Variants in PAPPA observed in about 807,000 individuals in gnomAD.
PAPPA encodes pappalysin 1.
PAPPA carries 60 observed loss-of-function variants against 164.0 expected under a neutral mutation model. That is an observed-to-expected ratio of 0.37 (90% CI 0.30 to 0.45). The LOEUF is 0.45. PAPPA is among the 20% of genes least tolerant of loss of function. The pLI, the probability that PAPPA is intolerant of heterozygous loss-of-function variation, is 1.00. For synonymous variants in PAPPA, 875 were observed against 814.1 expected, an observed-to-expected ratio of 1.07 and a Z score of -1.27; for missense variants, 1,782 against 2,087.3, an observed-to-expected ratio of 0.85 and a Z score of 2.85.
At position 116,367,685 on chromosome 9, in the gene PAPPA, G is replaced by A. The variant is rs1457935307; in HGVS notation, c.4536G>A (p.Glu1512=). ...CCTCGTGCCTGGACCACAACAGCGA[G>A]TCCATCATCCTGCCAATGAACGTGA... ...CATSCLDHNS[E]SIILPMNVTV... Residue 1512 remains glutamate, a synonymous_variant, in exon 19 of 22, where the codon GAG becomes GAA. Coordinates refer to ENST00000328252, the MANE Select transcript of PAPPA (RefSeq NM_002581.5). 9.9e-6 allele frequency: 16 copies of A among 1,614,006 alleles called. No individual in the cohort carries two copies. The highest frequency in any genetic ancestry group is 1.4e-5 in the Non-Finnish European group (16 of 1,179,996).
At position 116,249,447 on chromosome 9, in the gene PAPPA, C is replaced by A. The variant is rs112657479; in HGVS notation, c.2732+13810C>A. On this transcript the variant is annotated intron_variant, in intron 7 of 21. Transcript: ENST00000328252. ...AGAGTTCATTGCTGTAAGGTCTGGA[C>A]TTCATCCTGAGAGTGGTGATGAGCC... 2.0e-3 allele frequency among the ~76,000 whole-genome samples: 308 copies of A among 152,204 alleles called. 1 individual carries two copies. The highest frequency in any genetic ancestry group is 7.0e-3 in the African/African-American group (291 of 41,536).
At chr9:116,372,912 T>C (rs1588025156) in intron 19 of PAPPA, among the ~76,000 whole-genome samples, 1 of 152,360 alleles carries the variant, frequency 6.6e-6, no homozygotes, top group Non-Finnish European at 1.5e-5. Context: ...AAAGAGGTTG[T>C]CATTGCCCAA....
chr9:116,220,759 G>T (rs149745696), intron 5 of PAPPA, among the ~76,000 whole-genome samples: 5 of 151,298 alleles, frequency 3.3e-5, no homozygotes, highest in Non-Finnish European at 5.9e-5. Flanking sequence ...GGTGGTGCGC[G>T]CCTGTAATCC....
In PAPPA at chr9:116,187,378, G is replaced by A. The variant is rs767542036; in HGVS notation, c.640G>A (p.Gly214Ser). 6.2e-7 allele frequency: 1 copy of A among 1,614,102 alleles called. No homozygotes were observed. The highest frequency in any genetic ancestry group is 8.5e-7 in the Non-Finnish European group (1 of 1,180,034). ...DGQFMKLYVN[G>S]AQVATSGEQV... ...GCAGTTCATGAAGCTCTATGTGAAT[G>A]GTGCCCAGGTGGCCACCTCTGGGGA... Residue 214 changes from glycine (G) to serine (S), a missense_variant, in exon 2 of 22, where the codon GGT (glycine) becomes AGT (serine). By Grantham distance (56) the Gly-to-Ser change is moderately conservative. This residue lies in a region of PAPPA where 458 missense variants were observed against 430.3 expected (regional missense o/e 1.06). Transcript: ENST00000328252. This position sits in a 1 kb window ranked among gnomAD's most constrained non-coding sequence, Gnocchi z 4.2.
chr9:116,281,587 G>T (rs1268832933), intron 9 of PAPPA, among the ~76,000 whole-genome samples: 10 of 152,102 alleles, frequency 6.6e-5, no homozygotes, highest in Non-Finnish European at 1.5e-4. Flanking sequence ...ATCCTCCCCT[G>T]ACCAGTAGAA....
chr9:116,325,446 T>A (rs574866718), intron 10 of PAPPA, among the ~76,000 whole-genome samples: 1 of 152,144 alleles, frequency 6.6e-6, no homozygotes, highest in African/African-American at 2.4e-5. Context: ...AAATGTCCAG[T>A]TAATTGGTGA....
In PAPPA at chr9:116,398,219, G is replaced by A. The variant is rs531556123; in HGVS notation, c.*1603G>A. On this transcript the variant is annotated 3_prime_UTR_variant, in exon 22 of 22. Transcript: ENST00000328252. The stretch of plus-strand genomic sequence containing the variant: ...GTCCACTCCCTTTGAATTAATATGG[G>A]AAGAAATTAATACAGGATGAACTGG... 6.1e-6 allele frequency: 1 copy of A among 162,870 alleles called. No homozygotes were observed. Among genetic ancestry groups the A allele is most frequent in the East Asian group, 1.8e-4 (1 of 5,530 alleles). The allele number at this position is 162,870 out of a possible 1,614,324, so 10.1% of individuals were successfully genotyped here.
At chr9:116,203,509 T>A (rs1385802685) in intron 2 of PAPPA, among the ~76,000 whole-genome samples, 2 of 152,146 alleles carry the variant, frequency 1.3e-5, no homozygotes, top group African/African-American at 2.4e-5. Flanking sequence ...GATTGATAAG[T>A]ACTGGAATTA....
chr9:116,359,526 G>A (rs1846396807), intron 17 of PAPPA, among the ~76,000 whole-genome samples: 1 of 152,194 alleles, frequency 6.6e-6, no homozygotes, highest in Non-Finnish European at 1.5e-5. Context: ...GTACCCTCTG[G>A]TCTTCCCAGG....
chr9:116,187,103 C>G lies in PAPPA; in HGVS notation c.416-51C>G, dbSNP rs745827412. The G allele has an allele frequency of 3.0e-6, 4 of 1,322,308 alleles. No individual in the cohort carries two copies. In the South Asian group the frequency reaches 3.8e-5, roughly 13 times the overall value. The allele number at this position is 1,322,308 out of a possible 1,614,324, so 81.9% of individuals were successfully genotyped here. On this transcript the variant is annotated intron_variant, in intron 1 of 21. Coordinates refer to ENST00000328252, the MANE Select transcript of PAPPA (RefSeq NM_002581.5). This position sits in a 1 kb window ranked among gnomAD's most constrained non-coding sequence, Gnocchi z 4.2. ...ATTAGAGAAAAATAACTTAACCCCC[C>G]CTCCTTTTCCATCCTTTATTTATTC... is the stretch of plus-strand genomic sequence containing the variant.
Position 116,347,317 on chromosome 9 carries a change from T to A in PAPPA, c.3964+108T>A. 1.1e-6 allele frequency: 1 copy of A among 881,588 alleles called. No individual in the cohort carries two copies. Among genetic ancestry groups the A allele is most frequent in the South Asian group, 1.8e-5 (1 of 55,052 alleles). The allele number at this position is 881,588 out of a possible 1,614,324, so 54.6% of individuals were successfully genotyped here. On this transcript the variant is annotated intron_variant, in intron 15 of 21. Transcript: ENST00000328252. The surrounding 1 kb of genome is among the most constrained non-coding windows in gnomAD (Gnocchi z 4.5). Reference sequence around the variant, plus strand: ...TCAAACACCAAGGGTGGGATGGGTTTTATCTATGCTCCTGACTTCTTCCTA... The same window carrying A: ...TCAAACACCAAGGGTGGGATGGGTTATATCTATGCTCCTGACTTCTTCCTA...
At chr9:116,181,090 G>T (rs1452449491) in intron 1 of PAPPA, among the ~76,000 whole-genome samples, 1 of 152,166 alleles carries the variant, frequency 6.6e-6, no homozygotes, top group African/African-American at 2.4e-5. Flanking sequence ...TTGAGACATT[G>T]CATTGTAACA....
At chr9:116,261,565 A>G (rs915399850) in intron 7 of PAPPA, among the ~76,000 whole-genome samples, 1 of 152,232 alleles carries the variant, frequency 6.6e-6, no homozygotes, top group Admixed American at 6.5e-5. Flanking sequence ...TAATTGACCT[A>G]TCATATTAAC....
intron 19 of PAPPA, among the ~76,000 whole-genome samples, chr9:116,368,771 A>G (rs1396687237): frequency 1.3e-5 from 2 of 152,182 alleles, no homozygotes; most frequent in Non-Finnish European, 2.9e-5. Flanking sequence ...GGGTGCTGAG[A>G]GGCCATGGAG....
intron 9 of PAPPA, among the ~76,000 whole-genome samples, chr9:116,274,651 C>T (rs1487613579): frequency 6.6e-6 from 1 of 152,168 alleles, no homozygotes; most frequent in Admixed American, 6.5e-5. Context: ...CCCTAGAACC[C>T]AACAGTGGAA....
At chr9:116,378,863 T>C (rs894794235) in intron 20 of PAPPA, among the ~76,000 whole-genome samples, 3 of 152,212 alleles carry the variant, frequency 2.0e-5, no homozygotes, top group African/African-American at 7.2e-5. Flanking sequence ...AGACAATCCC[T>C]AGGTTACACA....
chr9:116,311,271 AG>A (rs747500639), intron 10 of PAPPA, among the ~76,000 whole-genome samples: 94 of 152,282 alleles, frequency 6.2e-4, no homozygotes, highest in Non-Finnish European at 1.0e-3. Context: ...CTGGGTCCAA[AG>A]CATCATTTTC....
intron 9 of PAPPA, among the ~76,000 whole-genome samples, chr9:116,289,641 A>G (rs1845411465): frequency 6.6e-6 from 1 of 152,110 alleles, no homozygotes. Context: ...ACAGAGAAGC[A>G]CAGGAATTAG....
chr9:116,301,314 C>A (rs1441448515), intron 9 of PAPPA, among the ~76,000 whole-genome samples: 1 of 152,178 alleles, frequency 6.6e-6, no homozygotes, highest in African/African-American at 2.4e-5. Flanking sequence ...AACTATATTT[C>A]AAGGAGCTCA....
Sources: allele counts gnomAD v4.1 joint callset (sites outside exome capture counted in the v4.1 genomes callset), GRCh38; gene constraint gnomAD v4.1.1; regional missense constraint gnomAD v4.1.1; non-coding constraint Gnocchi (gnomAD v3.1); transcripts MANE v1.5; gene names NCBI Gene and HGNC (gene_info 2026-07-23, HGNC 2026-07-21).